CYP4V2: variants seen among roughly 807,000 people sequenced by gnomAD.
CYP4V2 encodes cytochrome P450 family 4 subfamily V member 2.
A neutral mutation model predicts 60.8 loss-of-function variants in CYP4V2; 55 were observed. The ratio of observed to expected loss-of-function variants is 0.90; its 90% confidence interval spans 0.73 to 1.13. The LOEUF (loss-of-function observed/expected upper bound fraction) is 1.13. Among genes scored for constraint, CYP4V2 ranks in the 50% most tolerant of loss-of-function variants. The pLI, the probability that CYP4V2 is intolerant of heterozygous loss-of-function variation, is 0.00. For synonymous variants in CYP4V2, 239 were observed against 236.8 expected (o/e 1.01, Z -0.08); for missense variants, 675 against 662.9 (o/e 1.02, Z -0.20).
chr4:186,194,693 C>T (rs1579962189), intron 2 of CYP4V2, 81 bp downstream of exon 2: 1 of 1,286,538 alleles, frequency 7.8e-7, no homozygotes. Context: ...ATAACGTGTC[C>T]TTATATTTCA....
chr4:186,200,717 G>A (rs1042536092), intron 6 of CYP4V2, among the ~76,000 whole-genome samples: 2 of 152,106 alleles, frequency 1.3e-5, no homozygotes, highest in Admixed American at 6.6e-5. Flanking sequence ...AGCAGAAATC[G>A]CAAGCATAGA....
At chr4:186,196,301 G>T in intron 3 of CYP4V2, 2 of 592,414 alleles carry the variant, frequency 3.4e-6, no homozygotes, top group South Asian at 1.9e-5. Context: ...TTCAGCTGTG[G>T]TATTCAATAG....
In CYP4V2 at chr4:186,209,014, C is replaced by T. The variant is rs918111674; in HGVS notation, c.1225+15C>T. The T allele has an allele frequency of 9.3e-6, 15 of 1,613,902 alleles. No homozygotes were observed. In the African/African-American group the frequency reaches 1.6e-4, roughly 17 times the overall value. On this transcript the variant is annotated intron_variant, in intron 9 of 10. Transcript: ENST00000378802. ...TTGTGAAGTGGGTAAGTATGCTATACCTAAAGTAGAAGGGAGAGGGAAACT... is the reference window on the plus strand; with the variant it reads ...TTGTGAAGTGGGTAAGTATGCTATATCTAAAGTAGAAGGGAGAGGGAAACT...
chr4:186,207,217 G>A (rs1335301943), intron 8 of CYP4V2, among the ~76,000 whole-genome samples: 2 of 151,900 alleles, frequency 1.3e-5, no homozygotes, highest in Admixed American at 1.3e-4. Flanking sequence ...GACCATCCTG[G>A]CTAACACAGT....
At chr4:186,201,096 T>G (rs1025318513) in intron 6 of CYP4V2, 61 bp from the exon 7 acceptor site, 5 of 1,513,274 alleles carry the variant, frequency 3.3e-6, no homozygotes, top group Non-Finnish European at 4.6e-6. Context: ...TAAGAAAATG[T>G]GTTAACTAGG....
chr4:186,200,943 G>A (rs759691116), intron 6 of CYP4V2, among the ~76,000 whole-genome samples: 11 of 152,040 alleles, frequency 7.2e-5, no homozygotes, highest in East Asian at 3.8e-4. Flanking sequence ...AGGAATTTGC[G>A]TGACATTAAA....
chr4:186,199,069 A>G lies in CYP4V2; in HGVS notation c.787A>G (p.Thr263Ala). 1 of 1,613,772 alleles carries G rather than the reference A, an allele frequency of 6.2e-7. No homozygotes were observed. The change falls in exon 6 of 11, where the codon ACT (threonine) becomes GCT (alanine). Residue 263 changes from threonine (T) to alanine (A), a missense_variant. By Grantham distance (58) the Thr-to-Ala change is moderately conservative (BLOSUM62 0). Transcript: ENST00000378802. Reference sequence around the variant, plus strand: ...CAAAAAGAGCCTTCAGATCCTACATACTTTTACCAACAGTGTAAGTCCCTG... The same window carrying G: ...CAAAAAGAGCCTTCAGATCCTACATGCTTTTACCAACAGTGTAAGTCCCTG... ...EHKKSLQILHTFTNSVIAERA... is the reference protein window; with the variant it reads ...EHKKSLQILHAFTNSVIAERA...
chr4:186,197,439 A>G, intron 4 of CYP4V2, 94 bp from the exon 5 acceptor site: 1 of 1,225,204 alleles, frequency 8.2e-7, no homozygotes, highest in South Asian at 1.2e-5. Context: ...AGGACAAAGC[A>G]GGATGTACGT....
At chr4:186,193,307 A>C (rs1266538428) in intron 1 of CYP4V2, among the ~76,000 whole-genome samples, 4 of 152,242 alleles carry the variant, frequency 2.6e-5, no homozygotes, top group African/African-American at 7.2e-5. Flanking sequence ...GATTCCAGTA[A>C]TTAAAATCTC....
chr4:186,204,401 G>T lies in CYP4V2; in HGVS notation c.988-799G>T, dbSNP rs1318588356. Reference sequence around the variant, plus strand: ...TGGAGGCGCTACGCTGGCGTAAGAGGTGGCGGTGGAGACGTTTCGCTGGCG... The same window carrying T: ...TGGAGGCGCTACGCTGGCGTAAGAGTTGGCGGTGGAGACGTTTCGCTGGCG... On this transcript the variant is annotated intron_variant, in intron 7 of 10. Transcript: ENST00000378802. 2 of 191,416 alleles carry T rather than the reference G, an allele frequency of 1.0e-5. 1 individual carries two copies. The highest frequency in any genetic ancestry group is 4.8e-5 in the African/African-American group (2 of 41,298). The allele number at this position is 191,416 out of a possible 1,614,324, so 11.9% of individuals were successfully genotyped here.
Position 186,208,952 on chromosome 4 carries a change from C to T in CYP4V2, c.1178C>T (p.Pro393Leu), listed in dbSNP as rs1344497909. 3.1e-6 allele frequency: 5 copies of T among 1,614,134 alleles called. No homozygotes were observed. The highest frequency in any genetic ancestry group is 4.2e-6 in the Non-Finnish European group (5 of 1,180,002). ...ATTAAGGAGACCCTTCGCCTTTTTC[C>T]TTCTGTTCCTTTATTTGCCCGTAGT... The part of the protein sequence containing the change: ...CVIKETLRLF[P>L]SVPLFARSVS... The change falls in exon 9 of 11, where the codon CCT (proline) becomes CTT (leucine). Residue 393 changes from proline (P) to leucine (L), a missense_variant. By Grantham distance (98) the Pro-to-Leu change is moderately conservative. Transcript: ENST00000378802.
intron 1 of CYP4V2, chr4:186,192,304 G>A (rs769677671): frequency 2.9e-6 from 2 of 678,986 alleles, no homozygotes; most frequent in Non-Finnish European, 2.7e-6. Context: ...CCACCTCACC[G>A]CTGCTCAGCT....
intron 8 of CYP4V2, 57 bp downstream of exon 8, chr4:186,205,359 C>A: frequency 6.6e-7 from 1 of 1,505,882 alleles, no homozygotes; most frequent in South Asian, 1.1e-5. Context: ...GCAGAGATGT[C>A]ACTGTGTTGT....
At chr4:186,208,623 G>T (rs999291175) in intron 8 of CYP4V2, among the ~76,000 whole-genome samples, 2 of 150,882 alleles carry the variant, frequency 1.3e-5, no homozygotes, top group South Asian at 2.1e-4. Context: ...CTTGGTCCAC[G>T]TGTTTTTCTT....
rs1175785520 is a variant in CYP4V2, at chr4:186,194,580, A to AAC, written c.295_296insAC (p.Met99AsnfsTer13). The AAC allele has an allele frequency of 4.3e-6, 7 of 1,614,184 alleles. No homozygotes were observed. The highest frequency in any genetic ancestry group is 5.9e-6 in the Non-Finnish European group (7 of 1,180,014). ...GAAGCTCTGGGTCGGGCCAGTGCCC[A>AAC]TGGTGGCCCTTTATAATGCAGAAAA... On this transcript the variant is annotated frameshift_variant, in exon 2 of 11. Transcript: ENST00000378802. LOFTEE classifies it high-confidence loss of function.
At chr4:186,192,292 T>TC in intron 1 of CYP4V2, 2 of 691,072 alleles carry the variant, frequency 2.9e-6, no homozygotes, top group South Asian at 3.0e-5. Flanking sequence ...CTCGGTCTTT[T>TC]CCCACCTCAC....
Position 186,210,543 on chromosome 4 carries a change from C to G in CYP4V2, c.1480C>G (p.Gln494Glu), listed in dbSNP as rs1736679814. 6.2e-7 allele frequency: 1 copy of G among 1,614,106 alleles called. No individual in the cohort carries two copies. The highest frequency in any genetic ancestry group is 1.3e-5 in the African/African-American group (1 of 75,034). Reference protein sequence around the residue: ...ILRHFWIESNQKREELGLEGQ... With the variant: ...ILRHFWIESNEKREELGLEGQ... Reference sequence around the variant, plus strand: ...GAGGCACTTTTGGATAGAATCCAACCAGAAAAGAGAAGAGCTTGGTCTAGA... The same window carrying G: ...GAGGCACTTTTGGATAGAATCCAACGAGAAAAGAGAAGAGCTTGGTCTAGA... Residue 494 changes from glutamine (Q) to glutamate (E), a missense_variant, in exon 11 of 11, where the codon CAG becomes GAG. Transcript: ENST00000378802.
At chr4:186,205,470 G>T (rs1044576369) in intron 8 of CYP4V2, among the ~76,000 whole-genome samples, 168 bp downstream of exon 8, 1 of 152,158 alleles carries the variant, frequency 6.6e-6, no homozygotes, top group African/African-American at 2.4e-5. Context: ...TCTGCCAGTC[G>T]CCTGGCAAGT....
chr4:186,208,679 A>G (rs111537571), intron 8 of CYP4V2, among the ~76,000 whole-genome samples, 186 bp from the exon 9 acceptor site: 32 of 124,008 alleles, frequency 2.6e-4, no homozygotes, highest in East Asian at 1.1e-3. Context: ...CTTGATCCAC[A>G]TGTTCTTCTT....
Sources: allele counts gnomAD v4.1 joint callset (sites outside exome capture counted in the v4.1 genomes callset), GRCh38; gene constraint gnomAD v4.1.1; transcripts MANE v1.5; gene names NCBI Gene and HGNC (gene_info 2026-07-23, HGNC 2026-07-21).